Variants in PCCB observed in about 807,000 individuals in gnomAD.
The protein encoded by PCCB is propionyl-CoA carboxylase beta chain, mitochondrial.
A neutral mutation model predicts 60.7 loss-of-function variants in PCCB; 43 were observed. That is an observed-to-expected ratio of 0.71 (90% CI 0.55 to 0.91). PCCB has a LOEUF of 0.91. Among genes scored for constraint, PCCB ranks in the 40% least tolerant of loss-of-function variants. PCCB has a pLI of 0.00. For synonymous variants in PCCB, 276 were observed against 255.9 expected (o/e 1.08, Z -0.75); for missense variants, 766 against 702.8 (o/e 1.09, Z -1.02).
At chr3:136,286,834 C>T (rs1213388064) in intron 6 of PCCB, among the ~76,000 whole-genome samples, 1 of 151,890 alleles carries the variant, frequency 6.6e-6, no homozygotes, top group East Asian at 1.9e-4. Flanking sequence ...AGTTTGAGAC[C>T]AGCATGGCCA....
Position 136,283,911 on chromosome 3 carries a change from C to T in PCCB, c.618C>T (p.Tyr206=), listed in dbSNP as rs1278751445. ...GCCCATGTGCTGGTGGGGCCGTCTA[C>T]TCCCCAGCCCTAACAGACTTCACGT... ...IMGPCAGGAV[Y]SPALTDFTFM... The change falls in exon 6 of 15, where the codon TAC becomes TAT. Residue 206 remains tyrosine (Y), a synonymous_variant. Coordinates refer to ENST00000251654, the MANE Select transcript of PCCB (RefSeq NM_000532.5). 1 of 1,613,228 alleles carries T rather than the reference C, an allele frequency of 6.2e-7. No homozygotes were observed. The highest frequency in any genetic ancestry group is 1.3e-5 in the African/African-American group (1 of 75,028).
At chr3:136,256,087 C>T in intron 2 of PCCB, 112 bp downstream of exon 2, 2 of 1,445,382 alleles carry the variant, frequency 1.4e-6, no homozygotes, top group African/African-American at 1.4e-5. Context: ...TGCAGAGGCA[C>T]TGCAGACATC....
At chr3:136,296,775 A>G (rs1468495894) in intron 7 of PCCB, among the ~76,000 whole-genome samples, 2 of 152,244 alleles carry the variant, frequency 1.3e-5, no homozygotes, top group African/African-American at 2.4e-5. Flanking sequence ...GAATATGTGG[A>G]AAAAGGCAAA....
chr3:136,308,515 C>T (rs1034474155), intron 9 of PCCB, among the ~76,000 whole-genome samples: 4 of 152,190 alleles, frequency 2.6e-5, no homozygotes, highest in African/African-American at 9.7e-5. Context: ...GATGTATACA[C>T]AGCATTGTTA....
intron 5 of PCCB, among the ~76,000 whole-genome samples, chr3:136,275,354 A>C (rs1214735059): frequency 6.8e-6 from 1 of 147,948 alleles, no homozygotes; most frequent in South Asian, 2.1e-4. Flanking sequence ...TTTTTTTTTT[A>C]TGTTGGTTTT....
intron 5 of PCCB, among the ~76,000 whole-genome samples, chr3:136,274,674 C>T (rs1942295396): frequency 6.6e-6 from 1 of 152,172 alleles, no homozygotes; most frequent in African/African-American, 2.4e-5. Flanking sequence ...AAATCTCAGG[C>T]AAGGCCAGGG....
intron 5 of PCCB, among the ~76,000 whole-genome samples, chr3:136,271,250 CTTAGA>C (rs1384330598): frequency 6.6e-6 from 1 of 151,998 alleles, no homozygotes; most frequent in Non-Finnish European, 1.5e-5. Context: ...GGTTTCAGGT[CTTAGA>C]TTTAAGTCTT....
At chr3:136,287,855 G>A (rs1227558924) in intron 6 of PCCB, among the ~76,000 whole-genome samples, 1 of 152,110 alleles carries the variant, frequency 6.6e-6, no homozygotes, top group Non-Finnish European at 1.5e-5. Flanking sequence ...GTGTCTTGGT[G>A]CGCACATTTT....
At chr3:136,257,564 GA>G (rs938849793) in intron 3 of PCCB, among the ~76,000 whole-genome samples, 2 of 152,088 alleles carry the variant, frequency 1.3e-5, no homozygotes, top group African/African-American at 4.8e-5. Context: ...TACTATTTTG[GA>G]TTTGACTTTT....
chr3:136,265,700 T>G (rs1233724780), intron 5 of PCCB, among the ~76,000 whole-genome samples: 4 of 152,212 alleles, frequency 2.6e-5, no homozygotes, highest in African/African-American at 7.2e-5. Context: ...TAAGCTTGTT[T>G]ATAACTTTTT....
At chr3:136,317,567 A>G (rs1406102815) in intron 10 of PCCB, among the ~76,000 whole-genome samples, 2 of 152,042 alleles carry the variant, frequency 1.3e-5, no homozygotes, top group Non-Finnish European at 2.9e-5. Context: ...TGCTTCTTTC[A>G]TACTCCTTTT....
chr3:136,261,075 A>T (rs1178355040), intron 4 of PCCB, among the ~76,000 whole-genome samples: 6 of 152,168 alleles, frequency 3.9e-5, no homozygotes, highest in African/African-American at 1.4e-4. Flanking sequence ...TTCCTGTTCA[A>T]GTTCATGGAC....
At chr3:136,314,607 G>T (rs1934806086) in intron 9 of PCCB, among the ~76,000 whole-genome samples, 1 of 151,994 alleles carries the variant, frequency 6.6e-6, no homozygotes, top group African/African-American at 2.4e-5. Context: ...TCGAGCTGAG[G>T]TTGCTCCACT....
At chr3:136,263,598 C>G (rs1459554487) in intron 5 of PCCB, among the ~76,000 whole-genome samples, 1 of 152,090 alleles carries the variant, frequency 6.6e-6, no homozygotes, top group African/African-American at 2.4e-5. Flanking sequence ...AAGGGCTAGT[C>G]TTTACTTTCA....
chr3:136,255,810 A>G, intron 1 of PCCB, 46 bp from the exon 2 acceptor site: 2 of 1,557,330 alleles, frequency 1.3e-6, no homozygotes, highest in Non-Finnish European at 1.8e-6. Context: ...TTTGCTTACT[A>G]AATTGTCTGT....
intron 13 of PCCB, 148 bp downstream of exon 13, chr3:136,327,880 T>C (rs1164715885): frequency 1.3e-5 from 9 of 715,682 alleles, no homozygotes; most frequent in Non-Finnish European, 1.5e-5. Flanking sequence ...CCTTGGTAAG[T>C]CTCCCTCTTG....
chr3:136,299,004 A>G (rs915270284), intron 8 of PCCB, among the ~76,000 whole-genome samples: 10 of 152,132 alleles, frequency 6.6e-5, no homozygotes, highest in Non-Finnish European at 1.5e-4. Context: ...CACTGTGTGT[A>G]GTCATGGAGG....
intron 9 of PCCB, among the ~76,000 whole-genome samples, chr3:136,301,635 T>TC (rs1338116092): frequency 6.6e-6 from 1 of 152,048 alleles, no homozygotes; most frequent in Non-Finnish European, 1.5e-5. Context: ...ACTGAAGGCA[T>TC]CTGTAGATGG....
chr3:136,288,923 C>G (rs1161545966), intron 6 of PCCB, among the ~76,000 whole-genome samples: 1 of 152,206 alleles, frequency 6.6e-6, no homozygotes, highest in Non-Finnish European at 1.5e-5. Flanking sequence ...TCACCTTAGC[C>G]TCCTGAGTAG....
Sources: allele counts gnomAD v4.1 joint callset (sites outside exome capture counted in the v4.1 genomes callset), GRCh38; gene constraint gnomAD v4.1.1; transcripts MANE v1.5; gene names NCBI Gene and HGNC (gene_info 2026-07-23, HGNC 2026-07-21).